CSMD1: variants seen among roughly 807,000 people sequenced by gnomAD.
The protein encoded by CSMD1 is CUB and Sushi multiple domains 1, also known as CUB and sushi domain-containing protein 1.
CSMD1 carries 213 observed loss-of-function variants against 417.5 expected under a neutral mutation model. The observed-to-expected ratio is 0.51, with a 90% CI of 0.46 to 0.57. CSMD1 has a LOEUF of 0.57. CSMD1 is among the 20% of genes least tolerant of loss of function. CSMD1 has a pLI of 0.00. For synonymous variants in CSMD1, 2,862 were observed against 1,736.8 expected (o/e 1.65, Z -16.11); for missense variants, 6,923 against 4,529.7 (o/e 1.53, Z -15.17).
At chr8:3,421,112 T>G (rs532845055) in intron 12 of CSMD1, among the ~76,000 whole-genome samples, 2 of 152,208 alleles carry the variant, frequency 1.3e-5, no homozygotes, top group South Asian at 2.1e-4. Context: ...ATTTTCAGTA[T>G]GAAAAAATGA....
chr8:3,518,129 A>T (rs1797357647), intron 10 of CSMD1, among the ~76,000 whole-genome samples: 1 of 150,102 alleles, frequency 6.7e-6, no homozygotes, highest in Non-Finnish European at 1.5e-5. Context: ...AACAATATTA[A>T]CTATTTCTAG....
chr8:3,319,285 T>C (rs1805987252), intron 23 of CSMD1, among the ~76,000 whole-genome samples: 1 of 152,240 alleles, frequency 6.6e-6, no homozygotes, highest in Non-Finnish European at 1.5e-5. Context: ...GTTGGTTCTT[T>C]AGGATTTAAC....
intron 1 of CSMD1, among the ~76,000 whole-genome samples, chr8:4,718,390 A>T (rs1310220071): frequency 6.6e-6 from 1 of 152,236 alleles, no homozygotes; most frequent in Non-Finnish European, 1.5e-5. Context: ...TCAACTTAAC[A>T]TGATAAAACA....
At chr8:4,368,877 A>G (rs1303343118) in intron 3 of CSMD1, among the ~76,000 whole-genome samples, 1 of 151,980 alleles carries the variant, frequency 6.6e-6, no homozygotes, top group Non-Finnish European at 1.5e-5. Context: ...CAGTCTATCA[A>G]TCTTATTTAA....
chr8:3,017,086 A>G (rs1808899901), intron 52 of CSMD1, among the ~76,000 whole-genome samples: 1 of 152,258 alleles, frequency 6.6e-6, no homozygotes, highest in South Asian at 2.1e-4. Flanking sequence ...GGATGAGATT[A>G]CGGATGTTTG....
intron 1 of CSMD1, among the ~76,000 whole-genome samples, chr8:4,824,701 A>G (rs997828146): frequency 6.6e-6 from 1 of 152,186 alleles, no homozygotes; most frequent in African/African-American, 2.4e-5. Context: ...ATCCACTGAA[A>G]TAACTGCTGA....
chr8:4,199,989 T>C (rs963965806), intron 3 of CSMD1, among the ~76,000 whole-genome samples: 1 of 152,182 alleles, frequency 6.6e-6, no homozygotes, highest in African/African-American at 2.4e-5. Flanking sequence ...TGGTGACTAT[T>C]AAAAGTTCAA....
intron 54 of CSMD1, among the ~76,000 whole-genome samples, chr8:2,993,108 A>T (rs908021258): frequency 3.9e-5 from 6 of 152,236 alleles, no homozygotes; most frequent in Non-Finnish European, 5.9e-5. Context: ...TTCATCCAGT[A>T]CTTGTGAATC....
At chr8:4,834,879 C>A (rs1193172309) in intron 1 of CSMD1, among the ~76,000 whole-genome samples, 36 of 133,972 alleles carry the variant, frequency 2.7e-4, no homozygotes, top group Non-Finnish European at 3.2e-4. Flanking sequence ...AAGGCGGAAA[C>A]CCGGGAGGCG....
rs1178998688 is a variant in CSMD1 at position 2,937,730 on chromosome 8, A to C, written c.*855T>G. 6 of 152,566 alleles carry C rather than the reference A, an allele frequency of 3.9e-5. No individual in the cohort carries two copies. Among genetic ancestry groups the C allele is most frequent in the African/African-American group, 7.2e-5 (3 of 41,456 alleles). 9.5% of individuals were successfully genotyped at this position (152,566 alleles called of 1,614,324 possible). On this transcript the variant is annotated 3_prime_UTR_variant, in exon 70 of 70. Transcript: ENST00000635120. ...AGCTAATTGAAGCAATAATAAAATA[A>C]ATCTCTTCAATACTGTATTTCCTTT... is the stretch of plus-strand genomic sequence containing the variant.
At chr8:4,333,742 T>G (rs2128892004) in intron 3 of CSMD1, among the ~76,000 whole-genome samples, 1 of 152,230 alleles carries the variant, frequency 6.6e-6, no homozygotes, top group African/African-American at 2.4e-5. Flanking sequence ...TTCCAAGATC[T>G]AGTCCGCTGC....
intron 49 of CSMD1, among the ~76,000 whole-genome samples, chr8:3,074,222 G>A (rs1318835874): frequency 6.6e-6 from 1 of 152,178 alleles, no homozygotes; most frequent in South Asian, 2.1e-4. Flanking sequence ...CAGCTACAAA[G>A]GCTCTCCCTC....
At chr8:4,172,041 C>T (rs1797791835) in intron 3 of CSMD1, among the ~76,000 whole-genome samples, 2 of 152,056 alleles carry the variant, frequency 1.3e-5, no homozygotes, top group African/African-American at 2.4e-5. Context: ...TAAAAGGAAA[C>T]ACAATGCACG....
intron 1 of CSMD1, among the ~76,000 whole-genome samples, chr8:4,716,198 G>A (rs1383473359): frequency 6.6e-6 from 1 of 152,142 alleles, no homozygotes; most frequent in Non-Finnish European, 1.5e-5. Flanking sequence ...GCCACCCAAT[G>A]GGGACTGCTC....
At chr8:4,869,667 A>G (rs1802620638) in intron 1 of CSMD1, among the ~76,000 whole-genome samples, 1 of 152,060 alleles carries the variant, frequency 6.6e-6, no homozygotes, top group East Asian at 1.9e-4. Context: ...TTTAAAAAAC[A>G]TTAGGGCACC....
rs118126784 is a variant in CSMD1, at chr8:4,881,407, A to G, written c.85+112925T>C. Among the ~76,000 whole-genome samples the G allele has an allele frequency of 1.0e-2, 1,471 of 147,428 alleles. 5 individuals are homozygous for G. Among genetic ancestry groups the G allele is most frequent in the Non-Finnish European group, 0.015 (1,023 of 67,144 alleles). ...ATATAGTTGAACAAATATACCTAGT[A>G]TACATATCTATCTATCTATCTATCT... On this transcript the variant is annotated intron_variant, in intron 1 of 69. Coordinates refer to ENST00000635120, the MANE Select transcript of CSMD1 (RefSeq NM_033225.6).
At chr8:2,973,687 G>T (rs1804660209) in intron 56 of CSMD1, among the ~76,000 whole-genome samples, 1 of 151,890 alleles carries the variant, frequency 6.6e-6, no homozygotes. Flanking sequence ...AAAGTCAAAG[G>T]AGAGGTTTAG....
At chr8:3,157,853 C>T in intron 39 of CSMD1, 44 bp downstream of exon 39, 1 of 1,468,220 alleles carries the variant, frequency 6.8e-7, no homozygotes, top group Non-Finnish European at 9.3e-7. Flanking sequence ...CATGTTCTTC[C>T]CAGTGTGTGC....
chr8:3,662,200 G>C (rs1257529870), intron 7 of CSMD1, among the ~76,000 whole-genome samples: 24 of 152,206 alleles, frequency 1.6e-4, no homozygotes, highest in Admixed American at 1.6e-3. Flanking sequence ...AACTACCCTT[G>C]AATTAACAGT....
Sources: gnomAD v4.1 joint callset for allele counts (sites outside exome capture counted in the v4.1 genomes callset) on GRCh38, gnomAD v4.1.1 for gene constraint, MANE v1.5 for transcripts, NCBI Gene and HGNC (gene_info 2026-07-23, HGNC 2026-07-21) for gene names.